Variants in DYNC2I1 observed in about 807,000 individuals in gnomAD.
DYNC2I1 encodes the protein dynein 2 intermediate chain 1, also known as cytoplasmic dynein 2 intermediate chain 1.
DYNC2I1 carries 89 observed loss-of-function variants against 133.4 expected under a neutral mutation model. The ratio of observed to expected loss-of-function variants is 0.67; its 90% CI spans 0.56 to 0.80. The LOEUF (loss-of-function observed/expected upper bound fraction) is 0.80, where lower values mean the gene tolerates loss of function less well. DYNC2I1 is among the 30% of genes least tolerant of loss of function. The pLI, the probability that DYNC2I1 is intolerant of heterozygous loss-of-function variation, is 0.00. For missense variants in DYNC2I1, 1,291 were observed against 1,314.5 expected, an observed-to-expected ratio of 0.98 and a Z score of 0.28; for synonymous variants, 504 against 484.3, an observed-to-expected ratio of 1.04 and a Z score of -0.54.
intron 8 of DYNC2I1, among the ~76,000 whole-genome samples, chr7:158,895,293 T>C (rs1355128734): frequency 6.6e-6 from 1 of 152,234 alleles, no homozygotes; most frequent in Non-Finnish European, 1.5e-5. Context: ...TACACTTAGG[T>C]CTGTGATCTG....
At chr7:158,917,795 C>T (rs951882256) in intron 14 of DYNC2I1, among the ~76,000 whole-genome samples, 1 of 152,124 alleles carries the variant, frequency 6.6e-6, no homozygotes, top group Non-Finnish European at 1.5e-5. Context: ...AAATCTCCTG[C>T]CTTCCACACT....
rs1563137465 is a variant in DYNC2I1, at chr7:158,901,753, AGAAACTGATTTAGAAAATGCTAGAGCT to A, written c.1077_1103del (p.Glu359_Ala367del). On this transcript the variant is annotated inframe_deletion, in exon 9 of 25. Transcript: ENST00000407559. ...TTTACCTCTAGGAAATTGAAAAGGA[AGAAACTGATTTAGAAAATGCTAGAGCT>A]GATGCATATACAGCCAGTTGTGAAG... is the stretch of plus-strand genomic sequence containing the variant. 1.3e-6 allele frequency: 2 copies of A among 1,577,172 alleles called. No individual in the cohort carries two copies. Among genetic ancestry groups the A allele is most frequent in the Admixed American group, 3.7e-5 (2 of 53,718 alleles).
intron 15 of DYNC2I1, among the ~76,000 whole-genome samples, chr7:158,920,630 A>G (rs976672664): frequency 6.8e-6 from 1 of 147,044 alleles, no homozygotes; most frequent in Non-Finnish European, 1.5e-5. Context: ...CCGTTGGGGA[A>G]CTCGTGAAGT....
chr7:158,900,731 G>GTTTTTTTTTTTTTTTTTTTTTTTTTCTTT (rs35689002), intron 8 of DYNC2I1, among the ~76,000 whole-genome samples: 1 of 105,738 alleles, frequency 9.5e-6, no homozygotes, highest in Non-Finnish European at 1.9e-5. Context: ...ATTTTGTTCT[G>GTTTTTTTTTTTTTTTTTTTTTTTTTCTTT]TTTTTTTTTT....
chr7:158,849,734 C>T, the DYNC2I1 span, among the ~76,000 whole-genome samples: 6 of 152,320 alleles, frequency 3.9e-5, no homozygotes, highest in African/African-American at 1.4e-4. Context: ...GTCAGGTTGT[C>T]TCTCTGCAGC....
At chr7:158,907,164 GAAA>G (rs150638362) in intron 11 of DYNC2I1, among the ~76,000 whole-genome samples, 1 of 128,406 alleles carries the variant, frequency 7.8e-6, no homozygotes. Context: ...TCTCAAAAAA[GAAA>G]AAAAAAAAAA....
chr7:158,923,299 C>A (rs781352053), intron 16 of DYNC2I1, among the ~76,000 whole-genome samples: 5 of 152,158 alleles, frequency 3.3e-5, no homozygotes, highest in Non-Finnish European at 7.3e-5. Flanking sequence ...AGGCTCCCGG[C>A]AGGCTTTGTG....
intron 1 of DYNC2I1, among the ~76,000 whole-genome samples, chr7:158,858,250 G>A (rs2657382): frequency 0.38 from 58,038 of 151,904 alleles, 11,281 homozygotes; most frequent in East Asian, 0.57. Flanking sequence ...TACATTGTCC[G>A]TGATTTGTTT....
chr7:158,942,757 A>C (rs561358502), intron 24 of DYNC2I1, among the ~76,000 whole-genome samples: 1 of 152,358 alleles, frequency 6.6e-6, no homozygotes, highest in African/African-American at 2.4e-5. Context: ...ATGACGCCAC[A>C]CTAAAGCCAT....
At chr7:158,870,611 G>A (rs1842794498) in intron 2 of DYNC2I1, among the ~76,000 whole-genome samples, 1 of 152,146 alleles carries the variant, frequency 6.6e-6, no homozygotes, top group Non-Finnish European at 1.5e-5. Context: ...GGCCTCAGGT[G>A]ATCCTCCTGC....
At chr7:158,920,448 T>C (rs970860218) in intron 15 of DYNC2I1, among the ~76,000 whole-genome samples, 3 of 151,628 alleles carry the variant, frequency 2.0e-5, no homozygotes, top group Admixed American at 6.6e-5. Context: ...ACACGTGAAG[T>C]ATGTGTGCAT....
chr7:158,871,595 C>CTGTGGTTCCAGCCA, intron 3 of DYNC2I1, 33 bp downstream of exon 3: 1 of 1,494,550 alleles, frequency 6.7e-7, no homozygotes, highest in Non-Finnish European at 8.8e-7. Context: ...GTGGTTCCAC[C>CTGTGGTTCCAGCCA]CGAGGTGCCG....
At chr7:158,909,424 C>T (rs1847165311) in intron 11 of DYNC2I1, among the ~76,000 whole-genome samples, 1 of 150,858 alleles carries the variant, frequency 6.6e-6, no homozygotes, top group Non-Finnish European at 1.5e-5. Flanking sequence ...ACAATGTCTG[C>T]ATAGGCAGCA....
intron 23 of DYNC2I1, among the ~76,000 whole-genome samples, chr7:158,941,067 C>G (rs181465489): frequency 1.3e-5 from 2 of 151,972 alleles, no homozygotes; most frequent in Non-Finnish European, 2.9e-5. Flanking sequence ...TAAGCAAAAT[C>G]GACAAACTTT....
At chr7:158,841,517 A>T in the DYNC2I1 span, among the ~76,000 whole-genome samples, 1 of 151,856 alleles carries the variant, frequency 6.6e-6, no homozygotes, top group East Asian at 1.9e-4. Flanking sequence ...CCGGCCCCAG[A>T]TAGTATTTTA....
At chr7:158,928,796 C>T (rs980000210) in intron 20 of DYNC2I1, among the ~76,000 whole-genome samples, 2 of 151,960 alleles carry the variant, frequency 1.3e-5, no homozygotes, top group African/African-American at 2.4e-5. Flanking sequence ...CAGCACCAAC[C>T]CCCCTTCACA....
downstream of DYNC2I1, among the ~76,000 whole-genome samples, chr7:158,949,668 C>T (rs962484478): frequency 7.2e-5 from 11 of 151,946 alleles, no homozygotes; most frequent in African/African-American, 1.2e-4. Context: ...GGGAAAGGAG[C>T]GGAAAGCTAG....
chr7:158,878,767 G>A (rs1843669273), intron 4 of DYNC2I1, among the ~76,000 whole-genome samples: 1 of 140,012 alleles, frequency 7.1e-6, no homozygotes, highest in African/African-American at 2.7e-5. Flanking sequence ...GGCGAGGAGG[G>A]GAGGCCAGGA....
downstream of DYNC2I1, among the ~76,000 whole-genome samples, chr7:158,949,001 A>G (rs1321769716): frequency 2.0e-5 from 3 of 152,146 alleles, no homozygotes; most frequent in Non-Finnish European, 4.4e-5. Flanking sequence ...TAATGAACAG[A>G]TGGCTGGTCC....
Sources: gnomAD v4.1 joint callset for allele counts (sites outside exome capture counted in the v4.1 genomes callset) on GRCh38, gnomAD v4.1.1 for gene constraint, MANE v1.5 for transcripts, NCBI Gene and HGNC (gene_info 2026-07-23, HGNC 2026-07-21) for gene names.